Variants in ULK4 observed in about 807,000 individuals in gnomAD.
The protein encoded by ULK4 is unc-51 like kinase 4.
A neutral mutation model predicts 160.6 loss-of-function variants in ULK4; 133 were observed. That is an observed-to-expected ratio of 0.83 (90% CI 0.72 to 0.96). ULK4 has a LOEUF of 0.96. Ranked by LOEUF, ULK4 falls within the 40% of genes least tolerant of loss-of-function variation. The pLI, the probability that ULK4 is intolerant of heterozygous loss-of-function variation, is 0.00. For missense variants in ULK4, 1,580 were observed against 1,499.5 expected (o/e 1.05, Z -0.89); for synonymous variants, 534 against 539.8 (o/e 0.99, Z 0.15).
At position 41,595,966 on chromosome 3, in the gene ULK4, G is replaced by A. The variant is rs539020255; in HGVS notation, c.3120+19703C>T. ...AAGAGTATCCCTAGTATTTCCTAAC[G>A]AGATCTAAAAAGAGAGTCAGAGAAA... On this transcript the variant is annotated intron_variant, in intron 31 of 36. Coordinates refer to ENST00000301831, the MANE Select transcript of ULK4 (RefSeq NM_017886.4). Among the ~76,000 whole-genome samples the A allele has an allele frequency of 9.9e-5, 15 of 152,232 alleles. No homozygotes were observed. The South Asian group carries it at 2.3e-3, about 23-fold the overall frequency.
intron 35 of ULK4, among the ~76,000 whole-genome samples, chr3:41,323,488 C>G (rs1445983705): frequency 6.7e-6 from 1 of 149,834 alleles, no homozygotes; most frequent in Non-Finnish European, 1.5e-5. Context: ...GTGAGAAAAA[C>G]TTTAAATTTA....
chr3:41,358,620 C>T (rs1398299550), intron 35 of ULK4, among the ~76,000 whole-genome samples: 1 of 152,060 alleles, frequency 6.6e-6, no homozygotes, highest in Non-Finnish European at 1.5e-5. Context: ...CCTAGGGGTA[C>T]AAGTATACTT....
chr3:41,637,210 C>T (rs2033993263), intron 30 of ULK4, among the ~76,000 whole-genome samples: 1 of 152,114 alleles, frequency 6.6e-6, no homozygotes, highest in African/African-American at 2.4e-5. Flanking sequence ...TACCTCCTTC[C>T]CTCACCCCTC....
intron 1 of ULK4, among the ~76,000 whole-genome samples, chr3:41,956,471 G>A (rs1011033316): frequency 1.3e-5 from 2 of 152,028 alleles, no homozygotes; most frequent in African/African-American, 4.8e-5. Flanking sequence ...TGGGCATTTT[G>A]TCCAGTTCTT....
intron 32 of ULK4, among the ~76,000 whole-genome samples, chr3:41,483,791 A>G (rs2125899309): frequency 6.6e-6 from 1 of 152,320 alleles, no homozygotes; most frequent in Non-Finnish European, 1.5e-5. Flanking sequence ...TCCAAGTGGG[A>G]CCATTATAAT....
intron 34 of ULK4, among the ~76,000 whole-genome samples, chr3:41,431,794 CTTT>C (rs11402711): frequency 1.5e-5 from 2 of 134,910 alleles, no homozygotes; most frequent in African/African-American, 2.8e-5. Flanking sequence ...TTTTTCTTTT[CTTT>C]TTTTTTTTTT....
intron 17 of ULK4, among the ~76,000 whole-genome samples, chr3:41,861,500 A>G (rs2042496074): frequency 6.6e-6 from 1 of 152,214 alleles, no homozygotes; most frequent in Admixed American, 6.5e-5. Context: ...TTACACTGAA[A>G]AGTGTGCTGC....
Position 41,931,951 on chromosome 3 carries a change from A to C in ULK4, c.434T>G (p.Val145Gly), listed in dbSNP as rs745792280. ...GAACTCTTCCAAATTTTCACCTTCC[A>C]CTTTTGCCAAGCAAAAGTTGCTAAA... ...LKFSNFCLAK[V>G]EGENLEEFFA... The change falls in exon 5 of 37, where the codon GTG becomes GGG. Residue 145 changes from valine (V) to glycine (G), a missense_variant. Transcript: ENST00000301831. 1.9e-6 allele frequency: 3 copies of C among 1,613,928 alleles called. No individual in the cohort carries two copies. Among genetic ancestry groups the C allele is most frequent in the Non-Finnish European group, 2.5e-6 (3 of 1,179,980 alleles).
intron 35 of ULK4, among the ~76,000 whole-genome samples, chr3:41,389,831 C>G (rs2081912727): frequency 6.6e-6 from 1 of 152,026 alleles, no homozygotes; most frequent in Non-Finnish European, 1.5e-5. Context: ...GTCTAAAATT[C>G]TCTTTTTTTG....
chr3:41,706,362 T>TTA (rs2036879439), intron 25 of ULK4, among the ~76,000 whole-genome samples: 1 of 131,082 alleles, frequency 7.6e-6, no homozygotes, highest in African/African-American at 3.4e-5. Context: ...TATATATATT[T>TTA]ATATATATAT....
At chr3:41,665,063 G>A (rs2035310717) in intron 29 of ULK4, among the ~76,000 whole-genome samples, 1 of 152,102 alleles carries the variant, frequency 6.6e-6, no homozygotes, top group African/African-American at 2.4e-5. Flanking sequence ...TACTTCTCTG[G>A]AATAGCCAAC....
intron 32 of ULK4, among the ~76,000 whole-genome samples, chr3:41,466,653 T>C (rs2083843205): frequency 6.6e-6 from 1 of 152,068 alleles, no homozygotes; most frequent in African/African-American, 2.4e-5. Flanking sequence ...ATGGATAAAT[T>C]AGACTTCATT....
chr3:41,856,748 A>C (rs1257152097), intron 17 of ULK4, among the ~76,000 whole-genome samples: 2 of 151,150 alleles, frequency 1.3e-5, no homozygotes, highest in Non-Finnish European at 3.0e-5. Flanking sequence ...TCTACAAAAA[A>C]TAAAAAAATT....
chr3:41,682,389 A>G (rs1249398061), intron 27 of ULK4, among the ~76,000 whole-genome samples: 1 of 152,250 alleles, frequency 6.6e-6, no homozygotes, highest in Non-Finnish European at 1.5e-5. Flanking sequence ...CAAAATACCA[A>G]AAAAGAAAGA....
At chr3:41,721,817 G>C (rs2125852345) in intron 22 of ULK4, among the ~76,000 whole-genome samples, 1 of 152,296 alleles carries the variant, frequency 6.6e-6, no homozygotes, top group South Asian at 2.1e-4. Flanking sequence ...TAAGATTTAT[G>C]CTTTCCCACA....
intron 34 of ULK4, among the ~76,000 whole-genome samples, chr3:41,408,198 G>C (rs1275561198): frequency 6.6e-6 from 1 of 151,876 alleles, no homozygotes; most frequent in Non-Finnish European, 1.5e-5. Context: ...GGAGGCCGAG[G>C]TGGGCGGATC....
rs1365020708 is a variant in ULK4, at chr3:41,560,826, T to TCC, written c.3226+5197_3226+5198dup. Among the ~76,000 whole-genome samples, 3 of 152,246 alleles carry TCC rather than the reference T, an allele frequency of 2.0e-5. 1 individual carries two copies. Among genetic ancestry groups the TCC allele is most frequent in the Non-Finnish European group, 4.4e-5 (3 of 68,044 alleles). ...ATCCGCAAACAGGGACAATTTGACT[T>TCC]CCTCCTTTCCTAATTAAATACCCTT... On this transcript the variant is annotated intron_variant, in intron 32 of 36. Transcript: ENST00000301831.
chr3:41,756,958 G>A (rs770807989), intron 21 of ULK4, among the ~76,000 whole-genome samples: 5 of 152,050 alleles, frequency 3.3e-5, no homozygotes, highest in Admixed American at 6.6e-5. Context: ...GAAAATGTTC[G>A]TAAATAATTA....
At chr3:41,738,396 C>T (rs1247943718) in intron 22 of ULK4, among the ~76,000 whole-genome samples, 1 of 151,866 alleles carries the variant, frequency 6.6e-6, no homozygotes, top group East Asian at 1.9e-4. Flanking sequence ...CTCATCAGGG[C>T]AAACAGTTCA....
Sources: gnomAD v4.1 joint callset for allele counts (sites outside exome capture counted in the v4.1 genomes callset) on GRCh38, gnomAD v4.1.1 for gene constraint, MANE v1.5 for transcripts, NCBI Gene and HGNC (gene_info 2026-07-23, HGNC 2026-07-21) for gene names.